Variants in EGLN2 observed in about 807,000 individuals in gnomAD.
EGLN2 encodes the protein prolyl hydroxylase EGLN2.
Under a neutral mutation model 38.2 loss-of-function variants are expected in EGLN2, and 15 were observed. That is an observed-to-expected ratio of 0.39 (90% CI 0.26 to 0.60). EGLN2 has a LOEUF of 0.60. Ranked by LOEUF, EGLN2 falls within the 20% of genes least tolerant of loss-of-function variation. EGLN2 has a pLI of 0.50. For missense variants in EGLN2, 492 were observed against 570.4 expected (o/e 0.86, Z 1.40); for synonymous variants, 284 against 237.4 (o/e 1.20, Z -1.81).
chr19:40,802,473 C>T (rs1034023228), intron 2 of EGLN2, among the ~76,000 whole-genome samples: 12 of 152,192 alleles, frequency 7.9e-5, no homozygotes, highest in Non-Finnish European at 1.5e-4. Flanking sequence ...TGTTCTTAGT[C>T]CCTTTTTCTT....
At chr19:40,802,616 A>G (rs544665461) in intron 2 of EGLN2, among the ~76,000 whole-genome samples, 24 of 152,358 alleles carry the variant, frequency 1.6e-4, no homozygotes, top group African/African-American at 5.8e-4. Context: ...TCAAGGCCTC[A>G]TGGCCTCCAG....
chr19:40,808,117 C>A lies in EGLN2; in HGVS notation c.*253C>A. The A allele has an allele frequency of 1.7e-6, 1 of 588,038 alleles. No individual in the cohort carries two copies. The highest frequency in any genetic ancestry group is 3.0e-6 in the Non-Finnish European group (1 of 329,672). 36.4% of individuals were successfully genotyped at this position (588,038 alleles called of 1,614,324 possible). On this transcript the variant is annotated 3_prime_UTR_variant, in exon 6 of 6. Transcript: ENST00000303961. ...CACCGTTACCAACTGAAGCTGGGGG[C>A]CTGGGTCCTACCCTGTCTGGTCATG... is the stretch of plus-strand genomic sequence containing the variant.
chr19:40,808,111 T>C lies in EGLN2; in HGVS notation c.*247T>C. 1 of 588,010 alleles carries C rather than the reference T, an allele frequency of 1.7e-6. No homozygotes were observed. 36.4% of individuals were successfully genotyped at this position (588,010 alleles called of 1,614,324 possible). A position where few individuals can be genotyped will look rare whatever the true frequency, so the allele number is the denominator to read the frequency against. The stretch of plus-strand genomic sequence containing the variant: ...GGAGGCCACCGTTACCAACTGAAGC[T>C]GGGGGCCTGGGTCCTACCCTGTCTG... On this transcript the variant is annotated 3_prime_UTR_variant, in exon 6 of 6. Coordinates refer to ENST00000303961, the MANE Select transcript of EGLN2 (RefSeq NM_080732.4).
Position 40,800,472 on chromosome 19 carries a change from C to T in EGLN2, c.-101C>T, listed in dbSNP as rs2083246322. 2.1e-6 allele frequency: 3 copies of T among 1,447,234 alleles called. No individual in the cohort carries two copies. Among genetic ancestry groups the T allele is most frequent in the South Asian group, 1.4e-5 (1 of 71,624 alleles). 89.6% of individuals were successfully genotyped at this position (1,447,234 alleles called of 1,614,324 possible). ...CCTGCCCCACGCCAGGCCCGGTGGC[C>T]CCCAGCTGCATCAAGTGGAGGCGGA... is the stretch of plus-strand genomic sequence containing the variant. On this transcript the variant is annotated 5_prime_UTR_variant, in exon 2 of 6. Coordinates refer to ENST00000303961, the MANE Select transcript of EGLN2 (RefSeq NM_080732.4).
chr19:40,800,316 CTTT>C lies in EGLN2; in HGVS notation c.-234-14_-234-12del. On this transcript the variant is annotated intron_variant, in intron 1 of 5. Coordinates refer to ENST00000303961, the MANE Select transcript of EGLN2 (RefSeq NM_080732.4). ...CCTGTCTCTAGTTTCTCTCACATCC[CTTT>C]TTTTTTTTCCTTTCTCTAGCCACCC... 4 of 399,098 alleles carry C rather than the reference CTTT, an allele frequency of 1.0e-5. No individual in the cohort carries two copies. Among genetic ancestry groups the C allele is most frequent in the South Asian group, 4.7e-5 (1 of 21,416 alleles). 24.7% of individuals were successfully genotyped at this position (399,098 alleles called of 1,614,324 possible). A position where few individuals can be genotyped will look rare whatever the true frequency, so the allele number is the denominator to read the frequency against.
At chr19:40,805,124 G>GT (rs1006381972) in intron 2 of EGLN2, 2 of 152,398 alleles carry the variant, frequency 1.3e-5, no homozygotes, top group Non-Finnish European at 1.5e-5. Flanking sequence ...GATCGTGAAT[G>GT]TTTATCTTGG....
chr19:40,801,272 A>T lies in EGLN2; in HGVS notation c.700A>T (p.Ser234Cys), dbSNP rs1330903479. Residue 234 changes from serine to cysteine, a missense_variant, in exon 2 of 6, where the codon AGC becomes TGC. Physicochemically the swap from Ser to Cys is moderately radical, Grantham distance 112. Transcript: ENST00000303961. ...GAGCCAGAGGGCGATCCCGCCGCGC[A>T]GCATCCGTGGGGACCAGATTGCCTG... The part of the protein sequence containing the change: ...LVSQRAIPPR[S>C]IRGDQIAWVE... 4.3e-6 allele frequency: 7 copies of T among 1,613,136 alleles called. No individual in the cohort carries two copies. Among genetic ancestry groups the T allele is most frequent in the Non-Finnish European group, 4.2e-6 (5 of 1,180,002 alleles).
At chr19:40,801,656 T>G (rs2083260422) in intron 2 of EGLN2, among the ~76,000 whole-genome samples, 1 of 147,568 alleles carries the variant, frequency 6.8e-6, no homozygotes, top group African/African-American at 2.5e-5. Flanking sequence ...TGGTTCTTTT[T>G]TTTTTTTTTT....
intron 5 of EGLN2, 128 bp downstream of exon 5, chr19:40,807,679 C>A: frequency 1.4e-6 from 2 of 1,403,730 alleles, no homozygotes; most frequent in East Asian, 2.3e-5. Context: ...GCCCACCTTC[C>A]TTAGCCCACT....
intron 2 of EGLN2, among the ~76,000 whole-genome samples, chr19:40,802,446 C>T (rs1384118537): frequency 6.6e-6 from 1 of 152,220 alleles, no homozygotes; most frequent in Non-Finnish European, 1.5e-5. Flanking sequence ...CTGTCTCTTC[C>T]TCTGCCTTTA....
intron 2 of EGLN2, among the ~76,000 whole-genome samples, chr19:40,802,219 G>A (rs2083266698): frequency 6.6e-6 from 1 of 152,196 alleles, no homozygotes; most frequent in East Asian, 1.9e-4. Context: ...GGGAAGGAAA[G>A]GGGTGCTGCC....
intron 2 of EGLN2, 87 bp from the exon 3 acceptor site, chr19:40,806,468 G>A (rs989015985): frequency 6.3e-7 from 1 of 1,583,542 alleles, no homozygotes; most frequent in Admixed American, 1.7e-5. Context: ...GGGGCAAGGA[G>A]GGGTGGGAAA....
Position 40,800,515 on chromosome 19 carries a change from G to T in EGLN2, c.-58G>T. 1 of 1,501,742 alleles carries T rather than the reference G, an allele frequency of 6.7e-7. No homozygotes were observed. The highest frequency in any genetic ancestry group is 2.2e-5 in the Admixed American group (1 of 46,478). The allele number at this position is 1,501,742 out of a possible 1,614,324, so 93.0% of individuals were successfully genotyped here. ...GAGGCGGAGGAGGAGGCGGAGGAGG[G>T]TGGCACCATGGGCCCGGGCGGTGCC... On this transcript the variant is annotated 5_prime_UTR_variant, in exon 2 of 6. Transcript: ENST00000303961.
chr19:40,806,693 G>T lies in EGLN2; in HGVS notation c.963+19G>T. On this transcript the variant is annotated intron_variant, in intron 3 of 5. Transcript: ENST00000303961. ...CGTTAAGGTAGGGGTGAGGGTGAGGGTGAGGGTGGCGCTGGGGCTAGGGCT... is the reference window on the plus strand; with the variant it reads ...CGTTAAGGTAGGGGTGAGGGTGAGGTTGAGGGTGGCGCTGGGGCTAGGGCT... 6.2e-7 allele frequency: 1 copy of T among 1,612,732 alleles called. No individual in the cohort carries two copies. Among genetic ancestry groups the T allele is most frequent in the South Asian group, 1.1e-5 (1 of 91,068 alleles).
At chr19:40,799,714 T>C (rs1330855643) in intron 1 of EGLN2, 2 of 152,064 alleles carry the variant, frequency 1.3e-5, no homozygotes, top group African/African-American at 4.8e-5. Flanking sequence ...TCGGTCAGTC[T>C]CGGGACCTCC....
chr19:40,807,007 CTT>C, intron 3 of EGLN2, 129 bp from the exon 4 acceptor site: 1 of 1,411,388 alleles, frequency 7.1e-7, no homozygotes, highest in Non-Finnish European at 9.6e-7. Context: ...TTGTCATTCA[CTT>C]TGAGAGCCCG....
chr19:40,801,986 C>T lies in EGLN2; in HGVS notation c.843+571C>T, dbSNP rs80021359. Reference sequence around the variant, plus strand: ...CGTGGACCTTGGTGGGGTTCATGGCCTCCTGGTGTCAGTCTGTGGCCCCAG... The same window carrying T: ...CGTGGACCTTGGTGGGGTTCATGGCTTCCTGGTGTCAGTCTGTGGCCCCAG... On this transcript the variant is annotated intron_variant, in intron 2 of 5. Coordinates refer to ENST00000303961, the MANE Select transcript of EGLN2 (RefSeq NM_080732.4). 1.4e-4 allele frequency among the ~76,000 whole-genome samples: 22 copies of T among 152,224 alleles called. No individual in the cohort carries two copies. The East Asian group carries it at 2.9e-3, about 20-fold the overall frequency.
intron 4 of EGLN2, 68 bp from the exon 5 acceptor site, chr19:40,807,416 C>T (rs562793481): frequency 3.3e-5 from 53 of 1,606,532 alleles, no homozygotes; most frequent in East Asian, 2.9e-4. Flanking sequence ...AAAGGATGGC[C>T]GCCTAGTGTG....
At chr19:40,806,822 G>A (rs764176566) in intron 3 of EGLN2, 148 bp downstream of exon 3, 369 of 1,168,542 alleles carry the variant, frequency 3.2e-4, no homozygotes, top group Non-Finnish European at 3.9e-4. Flanking sequence ...CGATCTGCCG[G>A]CTCTTCCTGG....
Sources: allele counts gnomAD v4.1 joint callset (sites outside exome capture counted in the v4.1 genomes callset), GRCh38; gene constraint gnomAD v4.1.1; transcripts MANE v1.5; gene names NCBI Gene and HGNC (gene_info 2026-07-23, HGNC 2026-07-21).